PC: variants seen among roughly 807,000 people sequenced by gnomAD.
The protein encoded by PC is pyruvate carboxylase, mitochondrial.
A neutral mutation model predicts 107.8 loss-of-function variants in PC; 46 were observed. The ratio of observed to expected loss-of-function variants is 0.43; its 90% CI spans 0.34 to 0.55. The LOEUF (loss-of-function observed/expected upper bound fraction) is 0.55, where lower values mean the gene tolerates loss of function less well. Among genes scored for constraint, PC ranks in the 20% least tolerant of loss-of-function variants. PC has a pLI of 0.04. For synonymous variants in PC, 662 were observed against 684.7 expected, an observed-to-expected ratio of 0.97 and a Z score of 0.52; for missense variants, 1,241 against 1,643.1, an observed-to-expected ratio of 0.76 and a Z score of 4.23.
chr11:66,849,581 G>A (rs752799256), intron 21 of PC, 30 bp downstream of exon 21: 6 of 1,613,844 alleles, frequency 3.7e-6, no homozygotes, highest in Non-Finnish European at 5.1e-6. Context: ...GGGCCAGGGT[G>A]GAGTGTGGAG....
intron 12 of PC, chr11:66,860,397 A>G (rs1233744453): frequency 1.3e-6 from 1 of 766,080 alleles, no homozygotes. Flanking sequence ...ACAGGTGCTC[A>G]CAGCCACCGA....
At chr11:66,879,404 C>A in intron 3 of PC, among the ~76,000 whole-genome samples, 1 of 152,198 alleles carries the variant, frequency 6.6e-6, no homozygotes, top group East Asian at 1.9e-4. Context: ...AAAGGAAGAC[C>A]CACCCCAAAC....
chr11:66,914,511 C>CA (rs11370760), intron 3 of PC, among the ~76,000 whole-genome samples: 74,750 of 142,014 alleles, frequency 0.53, 19,063 homozygotes, highest in Middle Eastern at 0.55. Flanking sequence ...AACTCTGTCT[C>CA]AAAAAAAAAA....
chr11:66,855,115 G>A lies in PC; in HGVS notation c.1369-1732C>T, dbSNP rs554001964. Among the ~76,000 whole-genome samples, 5 of 152,298 alleles carry A rather than the reference G, an allele frequency of 3.3e-5. No homozygotes were observed. In the South Asian group the frequency reaches 8.3e-4, roughly 25 times the overall value. ...GGGACCCTTGTGTTCACAGACACAC[G>A]CTGAAGGTCATAACCGTTCTGCATC... On this transcript the variant is annotated intron_variant, in intron 12 of 22. Coordinates refer to ENST00000393960, the MANE Select transcript of PC (RefSeq NM_001040716.2).
At chr11:66,913,417 G>C (rs1948387799) in intron 3 of PC, among the ~76,000 whole-genome samples, 1 of 151,966 alleles carries the variant, frequency 6.6e-6, no homozygotes, top group African/African-American at 2.4e-5. Flanking sequence ...GGGCGCAGTG[G>C]CTCACGCTTG....
chr11:66,906,153 G>A (rs118126917), intron 3 of PC, among the ~76,000 whole-genome samples: 2,950 of 152,206 alleles, frequency 0.019, 40 homozygotes, highest in Non-Finnish European at 0.029. Context: ...CGGAAGCAAC[G>A]GAAGATGAAT....
At chr11:66,874,052 T>C (rs959977283) in intron 3 of PC, among the ~76,000 whole-genome samples, 40 of 151,920 alleles carry the variant, frequency 2.6e-4, no homozygotes, top group Admixed American at 1.3e-4. Context: ...CTCCGCCTCC[T>C]GGGTTCGAGT....
rs753159588 is a variant in PC at position 66,920,653 on chromosome 11, C to T, written c.-1+31777G>A. ...CGCACCCTCCTCCAAGCAGCCTCCC[C>T]GCCTTGACTCCTTCCTTCTGTGGGG... On this transcript the variant is annotated intron_variant, in intron 3 of 22. Coordinates refer to ENST00000393960, the MANE Select transcript of PC (RefSeq NM_001040716.2). 5.3e-5 allele frequency among the ~76,000 whole-genome samples: 8 copies of T among 152,164 alleles called. No homozygotes were observed. In the South Asian group the frequency reaches 8.3e-4, roughly 16 times the overall value.
Position 66,916,366 on chromosome 11 carries a change from G to A in PC, c.-1+36064C>T, listed in dbSNP as rs115324099. 3.3e-5 allele frequency among the ~76,000 whole-genome samples: 5 copies of A among 152,154 alleles called. No homozygotes were observed. In the South Asian group the frequency reaches 6.2e-4, roughly 19 times the overall value. ...CTCCCACAGTGCTGGGATTACAGGCGTGAGCCACTGTGACCGACCTGCCAA... is the reference window on the plus strand; with the variant it reads ...CTCCCACAGTGCTGGGATTACAGGCATGAGCCACTGTGACCGACCTGCCAA... On this transcript the variant is annotated intron_variant, in intron 3 of 22. Transcript: ENST00000393960.
intron 2 of PC, among the ~76,000 whole-genome samples, 196 bp from the exon 3 acceptor site, chr11:66,952,664 C>T (rs1333304694): frequency 6.6e-6 from 1 of 152,180 alleles, no homozygotes; most frequent in Non-Finnish European, 1.5e-5. Context: ...GCCTCAGCCT[C>T]CTGAGGTAGT....
intron 3 of PC, among the ~76,000 whole-genome samples, chr11:66,936,787 T>C (rs1591303749): frequency 6.6e-6 from 1 of 152,152 alleles, no homozygotes; most frequent in Non-Finnish European, 1.5e-5. Context: ...TAAGCATCCC[T>C]GGGTATTTGT....
rs71045970 is a variant in PC, at chr11:66,924,369, C to CAAAAAAAA, written c.-1+28053_-1+28060dup. Among the ~76,000 whole-genome samples, 17 of 65,590 alleles carry CAAAAAAAA rather than the reference C, an allele frequency of 2.6e-4. 1 individual carries two copies. Among genetic ancestry groups the CAAAAAAAA allele is most frequent in the East Asian group, 4.4e-4 (1 of 2,254 alleles). The allele number at this position is 65,590 out of a possible 152,430, so 43.0% of individuals were successfully genotyped here. ...TAACATAGCAAGACCCCATCTCTAC[C>CAAAAAAAA]AAAAAAAAAAAAAAAAAAAATTAGC... On this transcript the variant is annotated intron_variant, in intron 3 of 22. Transcript: ENST00000393960.
chr11:66,858,782 T>TG lies in PC; in HGVS notation c.1368+4991dup. ...TTGGGGTGACCGGCGCTGGGGACGC[T>TG]GGGGGCTACACCTGCATCGCCACCA... On this transcript the variant is annotated intron_variant, in intron 12 of 22. Coordinates refer to ENST00000393960, the MANE Select transcript of PC (RefSeq NM_001040716.2). The surrounding 1 kb of genome is among the most constrained non-coding windows in gnomAD (Gnocchi z 5.9). 1 of 1,550,226 alleles carries TG rather than the reference T, an allele frequency of 6.5e-7. No individual in the cohort carries two copies. Among genetic ancestry groups the TG allele is most frequent in the East Asian group, 2.4e-5 (1 of 41,082 alleles).
At chr11:66,954,781 T>G (rs1949519004) in intron 1 of PC, among the ~76,000 whole-genome samples, 1 of 151,984 alleles carries the variant, frequency 6.6e-6, no homozygotes, top group Non-Finnish European at 1.5e-5. Flanking sequence ...CCATCTCTAC[T>G]AAAGATACAA....
At chr11:66,863,700 TG>T in intron 12 of PC, 73 bp downstream of exon 12, 1 of 1,481,730 alleles carries the variant, frequency 6.7e-7, no homozygotes, top group East Asian at 2.3e-5. Context: ...GCAAGGCCCT[TG>T]GTGGGGAAGT....
rs746397600 is a variant in PC, at chr11:66,870,330, G to T, written c.875C>A (p.Thr292Asn). 2 of 1,613,570 alleles carry T rather than the reference G, an allele frequency of 1.2e-6. No individual in the cohort carries two copies. The highest frequency in any genetic ancestry group is 1.7e-6 in the Non-Finnish European group (2 of 1,180,004). Residue 292 changes from threonine to asparagine, a missense_variant, in exon 9 of 23, where the codon ACC becomes AAC. By Grantham distance (65) the Thr-to-Asn change is moderately conservative. Around this residue, in one of 2 missense-constraint regions of PC, gnomAD observed 1,143 missense variants for 1,551.9 expected, o/e 0.74. Coordinates refer to ENST00000393960, the MANE Select transcript of PC (RefSeq NM_001040716.2). This position sits in a 1 kb window ranked among gnomAD's most constrained non-coding sequence, Gnocchi z 6.1. ...HLDPQLRTRL[T>N]SDSVKLAKQV... ...TTTAGCGAGTTTCACAGAGTCGCTG[G>T]TGAGCCGAGTCCGAAGCTGCGGGTC...
At chr11:66,872,254 C>G in intron 3 of PC, 95 bp from the exon 4 acceptor site, 1 of 1,406,402 alleles carries the variant, frequency 7.1e-7, no homozygotes, top group Non-Finnish European at 9.8e-7. Flanking sequence ...AGTGGCCCCA[C>G]AGAAAGGCTA....
chr11:66,925,596 T>C (rs1463195364), intron 3 of PC, among the ~76,000 whole-genome samples: 1 of 152,116 alleles, frequency 6.6e-6, no homozygotes, highest in Non-Finnish European at 1.5e-5. Context: ...ACACACATGC[T>C]CTACAAACAA....
At position 66,871,303 on chromosome 11, in the gene PC, C is replaced by G; in HGVS notation, c.487+12G>C. On this transcript the variant is annotated intron_variant, in intron 6 of 22. Coordinates refer to ENST00000393960, the MANE Select transcript of PC (RefSeq NM_001040716.2). This position sits in a 1 kb window ranked among gnomAD's most constrained non-coding sequence, Gnocchi z 7.4. ...GCTGCGGGGCCACCCCTTGCTTGCCCGTTATATTCACCCGCAGCAATGGCG... is the reference window on the plus strand; with the variant it reads ...GCTGCGGGGCCACCCCTTGCTTGCCGGTTATATTCACCCGCAGCAATGGCG... 6.2e-7 allele frequency: 1 copy of G among 1,614,012 alleles called. No individual in the cohort carries two copies. Among genetic ancestry groups the G allele is most frequent in the Non-Finnish European group, 8.5e-7 (1 of 1,180,018 alleles).
Sources: allele counts gnomAD v4.1 joint callset (sites outside exome capture counted in the v4.1 genomes callset), GRCh38; gene constraint gnomAD v4.1.1; regional missense constraint gnomAD v4.1.1; non-coding constraint Gnocchi (gnomAD v3.1); transcripts MANE v1.5; gene names NCBI Gene and HGNC (gene_info 2026-07-23, HGNC 2026-07-21).